Variants in DMD observed in about 807,000 individuals in gnomAD.
The protein encoded by DMD is mutant dystrophin.
In DMD, 63 loss-of-function variants were observed where a neutral mutation model predicts 330.1. The ratio of observed to expected loss-of-function variants is 0.19; its 90% CI spans 0.16 to 0.24. DMD has a LOEUF of 0.24. Ranked by LOEUF, DMD falls within the 10% of genes least tolerant of loss-of-function variation. The pLI is 1.00. For missense variants in DMD, 3,344 were observed against 2,684.1 expected (o/e 1.25, Z -5.43); for synonymous variants, 1,223 against 959.8 (o/e 1.27, Z -5.07).
chrX:32,890,246 C>A (rs145948513), intron 2 of DMD, among the ~76,000 whole-genome samples: 1 of 111,530 alleles, frequency 9.0e-6, no homozygotes, highest in Non-Finnish European at 1.9e-5. Flanking sequence ...TAGCAGTGCC[C>A]GGTTACGAAG....
chrX:32,384,278 G>A (rs1190285953), intron 33 of DMD, among the ~76,000 whole-genome samples: 2 of 110,088 alleles, frequency 1.8e-5, no homozygotes. Context: ...AAATTGATAA[G>A]CACCGGAATA....
chrX:33,097,598 C>T (rs890194087), intron 1 of DMD, among the ~76,000 whole-genome samples: 1 of 96,965 alleles, frequency 1.0e-5, no homozygotes, highest in Non-Finnish European at 2.0e-5. Flanking sequence ...AGTATTTATA[C>T]ATGAGACTCT....
At chrX:32,571,155 G>A (rs1027751501) in intron 15 of DMD, among the ~76,000 whole-genome samples, 2 of 111,762 alleles carry the variant, frequency 1.8e-5, no homozygotes, top group Admixed American at 9.5e-5. Context: ...ACATGATTCT[G>A]TATTTAACTA....
chrX:32,068,088 G>A (rs764328067), intron 44 of DMD, among the ~76,000 whole-genome samples: 32 of 111,449 alleles, frequency 2.9e-4, no homozygotes, highest in African/African-American at 9.4e-4. Flanking sequence ...GTTTTGATTT[G>A]CATTTCTCTG....
chrX:32,656,510 A>G (rs1335000072), intron 9 of DMD, among the ~76,000 whole-genome samples: 1 of 112,216 alleles, frequency 8.9e-6, no homozygotes, highest in Non-Finnish European at 1.9e-5. Context: ...ATACTGATAT[A>G]CTCTAATTTT....
intron 1 of DMD, among the ~76,000 whole-genome samples, chrX:33,284,211 A>G (rs2053391159): frequency 9.0e-6 from 1 of 110,927 alleles, no homozygotes; most frequent in South Asian, 3.8e-4. Flanking sequence ...TGCACCTAGC[A>G]CACTGCGTAA....
chrX:33,165,411 G>A, intron 1 of DMD, among the ~76,000 whole-genome samples: 1 of 111,515 alleles, frequency 9.0e-6, no homozygotes, highest in Non-Finnish European at 1.9e-5. Context: ...GGTGGCTTGA[G>A]GAAATGTGGG....
At chrX:32,546,474 T>A (rs1428264520) in intron 16 of DMD, among the ~76,000 whole-genome samples, 2 of 110,825 alleles carry the variant, frequency 1.8e-5, no homozygotes, top group Non-Finnish European at 3.8e-5. Context: ...GAGGACTGAT[T>A]CCTTTCATGT....
intron 62 of DMD, among the ~76,000 whole-genome samples, chrX:31,276,649 G>A (rs1476773823): frequency 8.9e-6 from 1 of 111,814 alleles, no homozygotes; most frequent in African/African-American, 3.3e-5. Flanking sequence ...GTCTTAGAAT[G>A]TTTATAACAT....
intron 1 of DMD, among the ~76,000 whole-genome samples, chrX:33,033,642 C>T (rs1335274973): frequency 2.8e-5 from 3 of 108,839 alleles, no homozygotes; most frequent in Admixed American, 9.7e-5. Flanking sequence ...TGGCTGAACC[C>T]GGGAGGCGGA....
intron 11 of DMD, among the ~76,000 whole-genome samples, chrX:32,638,980 T>C (rs1415175928): frequency 8.9e-6 from 1 of 111,794 alleles, no homozygotes; most frequent in African/African-American, 3.3e-5. Flanking sequence ...TTATTTTCCA[T>C]ATTATGGCTT....
chrX:31,127,370 T>TG (rs11384157), intron 77 of DMD, among the ~76,000 whole-genome samples: 2,584 of 112,234 alleles, frequency 0.023, 60 homozygotes, highest in African/African-American at 0.076. Context: ...CCACTGGCCT[T>TG]GATTCATAGA....
At chrX:32,157,573 C>A (rs146558609) in intron 44 of DMD, among the ~76,000 whole-genome samples, 13 of 112,184 alleles carry the variant, frequency 1.2e-4, no homozygotes, top group Non-Finnish European at 2.1e-4. Flanking sequence ...AGCACCATTT[C>A]TGTAATTCTG....
intron 74 of DMD, among the ~76,000 whole-genome samples, chrX:31,160,390 T>C (rs767935503): frequency 3.6e-5 from 4 of 111,354 alleles, no homozygotes; most frequent in Non-Finnish European, 7.6e-5. Context: ...GTGCGAAAAA[T>C]CCAGGCTTCC....
At position 32,833,187 on chromosome X, in the gene DMD, A is replaced by G. The variant is rs144909231; in HGVS notation, c.265-9800T>C. 2.1e-3 allele frequency among the ~76,000 whole-genome samples: 233 copies of G among 111,568 alleles called. 3 individuals are homozygous for G. In the East Asian group the frequency reaches 0.053, roughly 25 times the overall value. ...GTTAAATTTCCTCTATATTTCAGAT[A>G]TGTTTATGATCACTCTGATACATTG... On this transcript the variant is annotated intron_variant, in intron 4 of 78. Coordinates refer to ENST00000357033, the MANE Select transcript of DMD (RefSeq NM_004006.3).
chrX:31,623,505 G>A (rs1202476131), intron 55 of DMD, among the ~76,000 whole-genome samples: 3 of 111,096 alleles, frequency 2.7e-5, no homozygotes, highest in African/African-American at 6.5e-5. Context: ...CTCGTGATCC[G>A]CCCGCCTCTG....
At chrX:31,424,188 TGCC>T (rs2063575750) in intron 60 of DMD, among the ~76,000 whole-genome samples, 1 of 111,409 alleles carries the variant, frequency 9.0e-6, no homozygotes, top group Admixed American at 9.5e-5. Context: ...AGTAGGAAAA[TGCC>T]GTCATTACAC....
intron 44 of DMD, among the ~76,000 whole-genome samples, chrX:32,013,464 C>T (rs1022869673): frequency 4.5e-5 from 5 of 111,792 alleles, no homozygotes; most frequent in Admixed American, 9.5e-5. Context: ...TTCTATTATA[C>T]ATTATAATTT....
At chrX:33,171,435 C>G (rs1472914895) in intron 1 of DMD, among the ~76,000 whole-genome samples, 3 of 111,426 alleles carry the variant, frequency 2.7e-5, no homozygotes, top group Non-Finnish European at 5.7e-5. Context: ...TTTACGAAAA[C>G]TAGATCCTAG....
Sources: allele counts gnomAD v4.1 joint callset (sites outside exome capture counted in the v4.1 genomes callset), GRCh38; gene constraint gnomAD v4.1.1; transcripts MANE v1.5; gene names NCBI Gene and HGNC (gene_info 2026-07-23, HGNC 2026-07-21).